Variants in KDM2B observed in about 807,000 individuals in gnomAD.
KDM2B encodes lysine-specific demethylase 2B.
Under a neutral mutation model 150.0 loss-of-function variants are expected in KDM2B, and 26 were observed. The observed-to-expected ratio is 0.17, with a 90% CI of 0.13 to 0.24. The LOEUF (loss-of-function observed/expected upper bound fraction) is 0.24, where lower values mean the gene tolerates loss of function less well. Among genes scored for constraint, KDM2B ranks in the 10% least tolerant of loss-of-function variants. The probability of loss-of-function intolerance (pLI) is 1.00; values close to 1 mark genes in which losing one functional copy is unlikely to be tolerated. For synonymous variants in KDM2B, 734 were observed against 729.5 expected (o/e 1.01, Z -0.10); for missense variants, 1,265 against 1,816.9 (o/e 0.70, Z 5.52).
downstream of KDM2B, among the ~76,000 whole-genome samples, chr12:121,424,610 C>A (rs1483231071): frequency 6.6e-6 from 1 of 151,016 alleles, no homozygotes; most frequent in African/African-American, 2.4e-5. Flanking sequence ...ACTCAGGAGG[C>A]TGAGGTAGGA....
chr12:121,420,984 A>G, the KDM2B span, among the ~76,000 whole-genome samples: 6 of 152,286 alleles, frequency 3.9e-5, no homozygotes, highest in South Asian at 1.2e-3. Flanking sequence ...CGAGACCACC[A>G]CTGCCAAGTG....
Position 121,548,919 on chromosome 12 carries a change from G to C in KDM2B, c.641C>G (p.Ala214Gly). Residue 214 changes from alanine (A) to glycine (G), a missense_variant, in exon 6 of 23, where the codon GCC becomes GGC. Physicochemically the swap from Ala to Gly is moderately conservative, Grantham distance 60. This residue lies in a region of KDM2B where 214 missense variants were observed against 447.4 expected (regional missense o/e 0.48). Coordinates refer to ENST00000377071, the MANE Select transcript of KDM2B (RefSeq NM_032590.5). Reference sequence around the variant, plus strand: ...CTTCATCTCTGCAATGGCGTTCGTGGCTTCTGTCTGCTTCTCCTTCAGATG... The same window carrying C: ...CTTCATCTCTGCAATGGCGTTCGTGCCTTCTGTCTGCTTCTCCTTCAGATG... ...PQHLKEKQTE[A>G]TNAIAEMKYP... is the part of the protein sequence containing the mutation. 6.2e-7 allele frequency: 1 copy of C among 1,614,138 alleles called. No individual in the cohort carries two copies. Among genetic ancestry groups the C allele is most frequent in the Non-Finnish European group, 8.5e-7 (1 of 1,179,986 alleles).
the KDM2B span, chr12:121,423,702 T>A: frequency 2.4e-6 from 2 of 822,744 alleles, no homozygotes; most frequent in Non-Finnish European, 3.8e-6. This position sits in a 1 kb window ranked among gnomAD's most constrained non-coding sequence, Gnocchi z 4.3. Flanking sequence ...GACTACTAAG[T>A]GGGGACAGAA....
chr12:121,507,718 A>C (rs1555303154), intron 11 of KDM2B, among the ~76,000 whole-genome samples: 2 of 152,200 alleles, frequency 1.3e-5, no homozygotes, highest in African/African-American at 2.4e-5. Flanking sequence ...TTTAAAGGCA[A>C]AAATAGGCTA....
intron 6 of KDM2B, among the ~76,000 whole-genome samples, chr12:121,547,961 G>A (rs1889199459): frequency 6.6e-6 from 1 of 152,098 alleles, no homozygotes; most frequent in Non-Finnish European, 1.5e-5. Flanking sequence ...TTCAGAGTTG[G>A]AAACAGAGCT....
chr12:121,500,318 G>A (rs1458094495), intron 11 of KDM2B, among the ~76,000 whole-genome samples: 1 of 152,086 alleles, frequency 6.6e-6, no homozygotes, highest in Non-Finnish European at 1.5e-5. Context: ...CACCTTACAC[G>A]CCCGTCCCCT....
intron 12 of KDM2B, among the ~76,000 whole-genome samples, chr12:121,488,992 G>A (rs1184003562): frequency 6.6e-6 from 1 of 152,100 alleles, no homozygotes; most frequent in Non-Finnish European, 1.5e-5. Flanking sequence ...TTTTTTAGAA[G>A]AGAGAGGGTT....
At chr12:121,532,065 G>A (rs1887700815) in intron 8 of KDM2B, among the ~76,000 whole-genome samples, 1 of 151,748 alleles carries the variant, frequency 6.6e-6, no homozygotes, top group Non-Finnish European at 1.5e-5. Flanking sequence ...AGGTTGCAGT[G>A]AGCCAAGATC....
At chr12:121,478,593 T>A (rs888329848) in intron 12 of KDM2B, among the ~76,000 whole-genome samples, 2 of 150,904 alleles carry the variant, frequency 1.3e-5, no homozygotes, top group African/African-American at 4.9e-5. Context: ...TCTTCTGACC[T>A]CATGATCCAC....
intron 11 of KDM2B, among the ~76,000 whole-genome samples, chr12:121,500,060 C>A (rs374231243): frequency 6.6e-6 from 1 of 152,102 alleles, no homozygotes; most frequent in East Asian, 1.9e-4. Context: ...TGTGGCCCCC[C>A]TGCGGCCACC....
intron 22 of KDM2B, among the ~76,000 whole-genome samples, chr12:121,435,649 A>G (rs1359190575): frequency 6.6e-6 from 1 of 152,088 alleles, no homozygotes; most frequent in Non-Finnish European, 1.5e-5. Flanking sequence ...TGCCCACTCA[A>G]AAGTGGGGGC....
intron 22 of KDM2B, among the ~76,000 whole-genome samples, chr12:121,434,509 AAAAAAAAAAAAAGAATCAGGAGCCCAG>A (rs1253540217): frequency 2.0e-5 from 3 of 151,944 alleles, no homozygotes; most frequent in Non-Finnish European, 4.4e-5. Context: ...TCAAAAAAAA[AAAAAAAAAAAAAGAATCAGGAGCCCAG>A]AAACAAACCC....
At chr12:121,554,487 T>G (rs1555312396) in intron 4 of KDM2B, among the ~76,000 whole-genome samples, 2 of 152,108 alleles carry the variant, frequency 1.3e-5, no homozygotes, top group East Asian at 3.9e-4. Flanking sequence ...CTCGGCTCAC[T>G]GCAACCTCTG....
intron 4 of KDM2B, among the ~76,000 whole-genome samples, chr12:121,567,727 T>C (rs1555315229): frequency 6.7e-6 from 1 of 149,466 alleles, no homozygotes; most frequent in Non-Finnish European, 1.5e-5. Flanking sequence ...TTTTTTTTTT[T>C]TGAGACGGAG....
At chr12:121,434,910 T>C (rs1156710543) in intron 22 of KDM2B, among the ~76,000 whole-genome samples, 1 of 152,022 alleles carries the variant, frequency 6.6e-6, no homozygotes, top group African/African-American at 2.4e-5. Flanking sequence ...TGAGCTGACA[T>C]TGCACCACTG....
intron 12 of KDM2B, chr12:121,469,510 G>A (rs973722530): frequency 1.3e-5 from 2 of 151,716 alleles, no homozygotes; most frequent in Non-Finnish European, 2.9e-5. Flanking sequence ...CCAGCTACGT[G>A]GGGGTGCTGA....
At chr12:121,550,397 A>G (rs1253299537) in intron 4 of KDM2B, among the ~76,000 whole-genome samples, 1 of 152,164 alleles carries the variant, frequency 6.6e-6, no homozygotes, top group Non-Finnish European at 1.5e-5. Context: ...CTTCACAGCC[A>G]CCTCAACAGG....
At chr12:121,436,500 GAC>G (rs1218565025) in intron 22 of KDM2B, among the ~76,000 whole-genome samples, 2 of 146,600 alleles carry the variant, frequency 1.4e-5, no homozygotes, top group Non-Finnish European at 3.0e-5. Context: ...CAGCCTGGGC[GAC>G]AGAGTGAGAC....
chr12:121,488,615 A>G (rs1192541403), intron 12 of KDM2B, among the ~76,000 whole-genome samples: 7 of 152,082 alleles, frequency 4.6e-5, no homozygotes, highest in Non-Finnish European at 8.8e-5. Context: ...ATTCATTTGT[A>G]TTTATGTATT....
Sources: gnomAD v4.1 joint callset for allele counts (sites outside exome capture counted in the v4.1 genomes callset) on GRCh38, gnomAD v4.1.1 for gene constraint, gnomAD v4.1.1 regional missense constraint, Gnocchi (gnomAD v3.1) non-coding constraint, MANE v1.5 for transcripts, NCBI Gene and HGNC (gene_info 2026-07-23, HGNC 2026-07-21) for gene names.